Variants in KLHDC10 observed in about 807,000 individuals in gnomAD.
KLHDC10 encodes kelch domain-containing protein 10.
KLHDC10 carries 24 observed loss-of-function variants against 56.1 expected under a neutral mutation model. That is an observed-to-expected ratio of 0.43 (90% CI 0.31 to 0.60). The LOEUF (loss-of-function observed/expected upper bound fraction) is 0.60, where lower values mean the gene tolerates loss of function less well. Among genes scored for constraint, KLHDC10 ranks in the 20% least tolerant of loss-of-function variants. KLHDC10 has a pLI of 0.11. For synonymous variants in KLHDC10, 188 were observed against 207.1 expected (o/e 0.91, Z 0.79); for missense variants, 349 against 567.0 (o/e 0.62, Z 3.91).
At position 130,134,237 on chromosome 7, in the gene KLHDC10, G is replaced by C. The variant is rs140969430; in HGVS notation, c.*3491G>C. 1 of 152,304 alleles carries C rather than the reference G, an allele frequency of 6.6e-6. No homozygotes were observed. The allele number at this position is 152,304 out of a possible 1,614,324, so 9.4% of individuals were successfully genotyped here. On this transcript the variant is annotated 3_prime_UTR_variant, in exon 10 of 10. Transcript: ENST00000335420. ...TAATGAGTAGGTAGAAAAGGAAAAG[G>C]AATAATCAGTAGGAGCTGACAACCA...
In KLHDC10 at chr7:130,120,865, A is replaced by G; in HGVS notation, c.592A>G (p.Ser198Gly). ...GAAGTATAAGAGATGGGCTTTGCTC[A>G]GCTGTCGGGGGAAGAAACCCAGTCG... ...NVKYKRWALL[S>G]CRGKKPSRIY... The change falls in exon 4 of 10, where the codon AGC becomes GGC. Residue 198 changes from serine to glycine, a missense_variant. By Grantham distance (56) the Ser-to-Gly change is moderately conservative. Transcript: ENST00000335420. This position sits in a 1 kb window ranked among gnomAD's most constrained non-coding sequence, Gnocchi z 5.1. The G allele has an allele frequency of 1.9e-6, 3 of 1,614,142 alleles. No homozygotes were observed. Among genetic ancestry groups the G allele is most frequent in the Non-Finnish European group, 2.5e-6 (3 of 1,180,000 alleles).
At chr7:130,129,093 G>T (rs1348806214) in intron 8 of KLHDC10, among the ~76,000 whole-genome samples, 1 of 151,686 alleles carries the variant, frequency 6.6e-6, no homozygotes, top group Admixed American at 6.6e-5. Flanking sequence ...GAGCATTTCT[G>T]TCTGTTTTCC....
At chr7:130,106,702 G>A (rs971042015) in intron 2 of KLHDC10, among the ~76,000 whole-genome samples, 6 of 152,174 alleles carry the variant, frequency 3.9e-5, no homozygotes, top group African/African-American at 1.2e-4. Flanking sequence ...TGTGTTGGGC[G>A]CACAGTGGCT....
intron 1 of KLHDC10, among the ~76,000 whole-genome samples, chr7:130,076,870 C>T (rs1795511248): frequency 6.6e-6 from 1 of 152,102 alleles, no homozygotes; most frequent in Admixed American, 6.5e-5. Flanking sequence ...CATTCTACTT[C>T]CCAGAGTTTT....
chr7:130,101,010 A>G (rs908609077), intron 2 of KLHDC10, among the ~76,000 whole-genome samples: 6 of 146,592 alleles, frequency 4.1e-5, no homozygotes, highest in Admixed American at 4.0e-4. Context: ...AAAAAAAAAA[A>G]CAAAAAAAAC....
At chr7:130,121,935 A>G (rs1796253076) in intron 4 of KLHDC10, 119 bp from the exon 5 acceptor site, 1 of 812,338 alleles carries the variant, frequency 1.2e-6, no homozygotes, top group African/African-American at 1.8e-5. Context: ...AGTCTGATAC[A>G]TTAAAAGATT....
chr7:130,086,165 CCTT>C (rs577974374), intron 1 of KLHDC10, among the ~76,000 whole-genome samples: 54 of 152,166 alleles, frequency 3.5e-4, no homozygotes, highest in Admixed American at 3.5e-3. Flanking sequence ...ACTTTATTGA[CCTT>C]CTTTGCTTCT....
In KLHDC10 at chr7:130,133,432, T is replaced by C. The variant is rs1462645933; in HGVS notation, c.*2686T>C. 1.3e-5 allele frequency: 2 copies of C among 152,244 alleles called. No homozygotes were observed. The highest frequency in any genetic ancestry group is 2.9e-5 in the Non-Finnish European group (2 of 68,038). 9.4% of individuals were successfully genotyped at this position (152,244 alleles called of 1,614,324 possible). On this transcript the variant is annotated 3_prime_UTR_variant, in exon 10 of 10. Coordinates refer to ENST00000335420, the MANE Select transcript of KLHDC10 (RefSeq NM_014997.4). ...ACAGATTATATATAGGGTGTAACTA[T>C]AAAGCAGGTAGACTACTTTTTTGCA...
chr7:130,102,673 A>G (rs1022493506), intron 2 of KLHDC10, among the ~76,000 whole-genome samples: 18 of 152,086 alleles, frequency 1.2e-4, no homozygotes, highest in African/African-American at 4.3e-4. Flanking sequence ...TAAAAATACT[A>G]AAGTTAGCTG....
At chr7:130,101,969 TAAAA>T (rs10579051) in intron 2 of KLHDC10, among the ~76,000 whole-genome samples, 2 of 73,726 alleles carry the variant, frequency 2.7e-5, no homozygotes, top group East Asian at 4.3e-4. Flanking sequence ...GACTCCCTCT[TAAAA>T]AAAAAAAAAA....
chr7:130,087,618 T>C (rs932471269), intron 1 of KLHDC10, among the ~76,000 whole-genome samples: 3 of 152,122 alleles, frequency 2.0e-5, no homozygotes, highest in African/African-American at 7.2e-5. Flanking sequence ...TGCCATATGG[T>C]TTCATCAACA....
chr7:130,106,384 A>G (rs1349887340), intron 2 of KLHDC10, among the ~76,000 whole-genome samples: 4 of 152,138 alleles, frequency 2.6e-5, no homozygotes, highest in African/African-American at 9.7e-5. Context: ...AGATCTTTGT[A>G]GGGGAAAAAA....
rs75462317 is a variant in KLHDC10, at chr7:130,127,964, T to G, written c.979+513T>G. Among the ~76,000 whole-genome samples, 1,523 of 152,350 alleles carry G rather than the reference T, an allele frequency of 1.0e-2. 41 individuals are homozygous for G. Among genetic ancestry groups the G allele is most frequent in the Admixed American group, 0.055 (838 of 15,298 alleles). The stretch of plus-strand genomic sequence containing the variant: ...CTGCAGCTACTTTAACTAAATGTGA[T>G]AAGTGACTCCTCTCTGGATAACCTT... On this transcript the variant is annotated intron_variant, in intron 8 of 9. Coordinates refer to ENST00000335420, the MANE Select transcript of KLHDC10 (RefSeq NM_014997.4).
At chr7:130,112,801 T>C (rs888705985) in intron 2 of KLHDC10, among the ~76,000 whole-genome samples, 1 of 152,152 alleles carries the variant, frequency 6.6e-6, no homozygotes, top group African/African-American at 2.4e-5. Context: ...CTCTCAGCTA[T>C]GAGATTCCTT....
At position 130,120,561 on chromosome 7, in the gene KLHDC10, C is replaced by T. The variant is rs995084825; in HGVS notation, c.476-188C>T. Among the ~76,000 whole-genome samples, 7 of 152,104 alleles carry T rather than the reference C, an allele frequency of 4.6e-5. No individual in the cohort carries two copies. Among genetic ancestry groups the T allele is most frequent in the South Asian group, 4.1e-4 (2 of 4,824 alleles). On this transcript the variant is annotated intron_variant, in intron 3 of 9. Transcript: ENST00000335420. This position sits in a 1 kb window ranked among gnomAD's most constrained non-coding sequence, Gnocchi z 5.1. ...TTGTTGGTGCGCAAAAAGTCTAATT[C>T]GGATTTTGAATTAGACTTCAGATTT...
chr7:130,076,059 G>T (rs944038434), intron 1 of KLHDC10, among the ~76,000 whole-genome samples: 7 of 152,148 alleles, frequency 4.6e-5, no homozygotes, highest in Non-Finnish European at 4.4e-5. Context: ...GTGGAGGAGT[G>T]GGGGGAATGG....
chr7:130,090,009 G>A (rs760016281), intron 1 of KLHDC10, among the ~76,000 whole-genome samples: 51 of 151,888 alleles, frequency 3.4e-4, no homozygotes, highest in Admixed American at 2.8e-3. Flanking sequence ...AGCCTCCCGA[G>A]TAGCTGGGAT....
At chr7:130,127,364 T>G (rs1190966651) in intron 7 of KLHDC10, 40 bp from the exon 8 acceptor site, 1 of 1,574,030 alleles carries the variant, frequency 6.4e-7, no homozygotes, top group Admixed American at 1.7e-5. Context: ...TCCCAGTCTT[T>G]CTGTAAGTAA....
At chr7:130,079,445 A>G (rs980954997) in intron 1 of KLHDC10, among the ~76,000 whole-genome samples, 30 of 152,250 alleles carry the variant, frequency 2.0e-4, no homozygotes, top group Admixed American at 9.8e-4. Flanking sequence ...ATCTATGGGA[A>G]TTATAATGTA....
Sources: gnomAD v4.1 joint callset for allele counts (sites outside exome capture counted in the v4.1 genomes callset) on GRCh38, gnomAD v4.1.1 for gene constraint, Gnocchi (gnomAD v3.1) non-coding constraint, MANE v1.5 for transcripts, NCBI Gene and HGNC (gene_info 2026-07-23, HGNC 2026-07-21) for gene names.